Variants in RBFOX1 observed in about 807,000 individuals in gnomAD.
RBFOX1 encodes RNA binding protein fox-1 homolog 1.
Under a neutral mutation model 57.7 loss-of-function variants are expected in RBFOX1, and 8 were observed. That is an observed-to-expected ratio of 0.14 (90% CI 0.08 to 0.25). RBFOX1 has a LOEUF of 0.25. RBFOX1 is among the 10% of genes least tolerant of loss of function. The pLI is 1.00. For missense variants in RBFOX1, 611 were observed against 548.5 expected (o/e 1.11, Z -1.14); for synonymous variants, 326 against 222.4 (o/e 1.47, Z -4.15).
chr16:6,696,232 CTGTT>C (rs1392380956), intron 3 of RBFOX1, among the ~76,000 whole-genome samples: 2 of 152,124 alleles, frequency 1.3e-5, no homozygotes, highest in Non-Finnish European at 2.9e-5. Flanking sequence ...TATACAATAT[CTGTT>C]TGTACCACTA....
intron 3 of RBFOX1, among the ~76,000 whole-genome samples, chr16:6,740,900 A>G (rs748087434): frequency 2.6e-5 from 4 of 152,206 alleles, no homozygotes; most frequent in Non-Finnish European, 5.9e-5. Context: ...AAGCAAAGAA[A>G]CTAGAGTTGT....
chr16:5,423,852 A>G (rs2067431438), intron 1 of RBFOX1, among the ~76,000 whole-genome samples: 1 of 152,156 alleles, frequency 6.6e-6, no homozygotes, highest in Non-Finnish European at 1.5e-5. Context: ...TCCAGTGGCC[A>G]GGCTCATTGA....
chr16:7,106,810 C>G (rs2063667841), intron 4 of RBFOX1, among the ~76,000 whole-genome samples: 1 of 151,766 alleles, frequency 6.6e-6, no homozygotes, highest in African/African-American at 2.4e-5. Flanking sequence ...AAGGTGTCTG[C>G]TGGACAGCAT....
intron 2 of RBFOX1, among the ~76,000 whole-genome samples, chr16:6,330,553 A>C (rs756020697): frequency 6.6e-6 from 1 of 152,152 alleles, no homozygotes; most frequent in Non-Finnish European, 1.5e-5. Flanking sequence ...GTCTCACTAT[A>C]TCAAGCAGGG....
intron 1 of RBFOX1, among the ~76,000 whole-genome samples, chr16:6,053,702 A>C (rs1444202403): frequency 2.0e-5 from 3 of 152,162 alleles, no homozygotes; most frequent in African/African-American, 7.2e-5. Context: ...AGAGATCTTC[A>C]GGTCTTAAAT....
chr16:5,884,139 G>A (rs955865655), intron 4 of RBFOX1, among the ~76,000 whole-genome samples: 2 of 152,130 alleles, frequency 1.3e-5, no homozygotes, highest in African/African-American at 4.8e-5. Context: ...ATTACAGCAT[G>A]GGTCACAGTG....
At position 7,710,780 on chromosome 16, in the gene RBFOX1, G is replaced by C. The variant is rs775274456; in HGVS notation, c.*35G>C. The C allele has an allele frequency of 2.7e-6, 4 of 1,491,620 alleles. No individual in the cohort carries two copies. Among genetic ancestry groups the C allele is most frequent in the African/African-American group, 2.9e-5 (2 of 68,874 alleles). The allele number at this position is 1,491,620 out of a possible 1,614,324, so 92.4% of individuals were successfully genotyped here. On this transcript the variant is annotated 3_prime_UTR_variant, in exon 16 of 16. Coordinates refer to ENST00000550418, the MANE Select transcript of RBFOX1 (RefSeq NM_018723.4). ...CCATAAAAACCTTCCAATGTGGGGA[G>C]AAAGGAAGCTTTCCGAGGCCTGAGT...
At chr16:6,116,692 T>C (rs1011553700) in intron 1 of RBFOX1, among the ~76,000 whole-genome samples, 1 of 152,310 alleles carries the variant, frequency 6.6e-6, no homozygotes, top group Non-Finnish European at 1.5e-5. Context: ...TTCATTGCCG[T>C]TTAATCAAGT....
chr16:6,609,138 A>G (rs1275065735), intron 2 of RBFOX1, among the ~76,000 whole-genome samples: 1 of 151,934 alleles, frequency 6.6e-6, no homozygotes, highest in Non-Finnish European at 1.5e-5. Context: ...ATTCCCTTTT[A>G]CCATGTCATA....
intron 1 of RBFOX1, among the ~76,000 whole-genome samples, chr16:6,280,064 A>C (rs919138155): frequency 4.6e-5 from 7 of 152,164 alleles, no homozygotes; most frequent in African/African-American, 1.7e-4. Flanking sequence ...GATTCATCCT[A>C]GAAAAGACAG....
chr16:6,482,835 C>T (rs190548123), intron 2 of RBFOX1, among the ~76,000 whole-genome samples: 25 of 152,230 alleles, frequency 1.6e-4, no homozygotes, highest in African/African-American at 5.8e-4. Context: ...AAATACTGTC[C>T]CGTGGACATT....
At chr16:7,687,344 G>C (rs956792008) in intron 14 of RBFOX1, among the ~76,000 whole-genome samples, 1 of 151,886 alleles carries the variant, frequency 6.6e-6, no homozygotes, top group African/African-American at 2.4e-5. Flanking sequence ...TGATAAAACT[G>C]AAATATAAAT....
intron 1 of RBFOX1, among the ~76,000 whole-genome samples, chr16:6,246,287 C>G (rs1294187304): frequency 1.3e-5 from 2 of 152,144 alleles, no homozygotes; most frequent in African/African-American, 2.4e-5. Context: ...CTACTTGTTT[C>G]CAGCTCTTAG....
chr16:7,698,651 A>C (rs2079599350), intron 14 of RBFOX1, among the ~76,000 whole-genome samples: 1 of 152,134 alleles, frequency 6.6e-6, no homozygotes, highest in Admixed American at 6.5e-5. Flanking sequence ...TCTTTTCTGC[A>C]TTTTAGTGAT....
chr16:7,618,100 T>TTGATCTGTTG (rs2058749155), intron 10 of RBFOX1, among the ~76,000 whole-genome samples: 1 of 152,194 alleles, frequency 6.6e-6, no homozygotes, highest in East Asian at 1.9e-4. Context: ...CTAAGGTATA[T>TTGATCTGTTG]TGATCTGTTG....
At chr16:7,270,879 T>G (rs1044964516) in intron 4 of RBFOX1, among the ~76,000 whole-genome samples, 1 of 152,206 alleles carries the variant, frequency 6.6e-6, no homozygotes, top group South Asian at 2.1e-4. Flanking sequence ...TATATTTTAA[T>G]GAAAATCCTT....
At chr16:7,054,486 C>A (rs1438091362) in intron 4 of RBFOX1, among the ~76,000 whole-genome samples, 1 of 144,906 alleles carries the variant, frequency 6.9e-6, no homozygotes, top group African/African-American at 2.5e-5. Context: ...CGTGATCCGC[C>A]AGCCTCGGCC....
At chr16:6,550,307 G>C (rs1734752774) in intron 2 of RBFOX1, among the ~76,000 whole-genome samples, 1 of 152,090 alleles carries the variant, frequency 6.6e-6, no homozygotes, top group Non-Finnish European at 1.5e-5. Flanking sequence ...CTTCCAAACA[G>C]CTGGGTCTAC....
intron 1 of RBFOX1, among the ~76,000 whole-genome samples, chr16:6,233,330 T>C (rs563090854): frequency 6.6e-6 from 1 of 152,120 alleles, no homozygotes; most frequent in African/African-American, 2.4e-5. Flanking sequence ...ATTCCTTGCA[T>C]CTCTATGGCT....
Sources: allele counts gnomAD v4.1 joint callset (sites outside exome capture counted in the v4.1 genomes callset), GRCh38; gene constraint gnomAD v4.1.1; transcripts MANE v1.5; gene names NCBI Gene and HGNC (gene_info 2026-07-23, HGNC 2026-07-21).